PASK: variants seen among roughly 807,000 people sequenced by gnomAD.
PASK encodes the protein PAS domain containing serine/threonine kinase.
In PASK, 110 loss-of-function variants were observed where a neutral mutation model predicts 121.0. The ratio of observed to expected loss-of-function variants is 0.91; its 90% CI spans 0.78 to 1.06. PASK has a LOEUF of 1.06. Among genes scored for constraint, PASK ranks in the 50% least tolerant of loss-of-function variants. The pLI, the probability that PASK is intolerant of heterozygous loss-of-function variation, is 0.00. For missense variants in PASK, 1,643 were observed against 1,702.3 expected, an observed-to-expected ratio of 0.97 and a Z score of 0.61; for synonymous variants, 686 against 717.8, an observed-to-expected ratio of 0.96 and a Z score of 0.71.
rs777583685 is a variant in PASK at position 241,142,840 on chromosome 2, A to G, written c.193T>C (p.Ser65Pro). The G allele has an allele frequency of 1.6e-5, 26 of 1,611,254 alleles. No homozygotes were observed. The Admixed American group carries it at 4.2e-4, about 26-fold the overall frequency. ...TGCAGTGGTCGAAGGTCATTACCAG[A>G]GAGCGCTGTCCTGCTCTGGCAGAGT... ...SRLCQSRTAL[S>P]EDRWSSYCLS... is the part of the protein sequence containing the mutation. The change falls in exon 2 of 18, where the codon TCT (serine) becomes CCT (proline). Residue 65 changes from serine to proline, a missense_variant. Transcript: ENST00000234040.
chr2:241,135,860 G>C lies in PASK; in HGVS notation c.1306+11C>G. 1 of 1,612,792 alleles carries C rather than the reference G, an allele frequency of 6.2e-7. No homozygotes were observed. The highest frequency in any genetic ancestry group is 8.5e-7 in the Non-Finnish European group (1 of 1,178,924). On this transcript the variant is annotated intron_variant, in intron 8 of 17. Transcript: ENST00000234040. ...GCTACAGGCGCATTCAGGAGGAAGA[G>C]GACGTCTTACCCTGGCCCCCCTCAG...
chr2:241,130,171 C>T (rs1320669850), intron 9 of PASK, among the ~76,000 whole-genome samples: 3 of 152,208 alleles, frequency 2.0e-5, no homozygotes, highest in South Asian at 4.1e-4. Context: ...TAGGGACACA[C>T]CCCAAGTCTT....
At chr2:241,132,676 A>C (rs1400064358) in intron 9 of PASK, among the ~76,000 whole-genome samples, 198 bp downstream of exon 9, 4 of 152,208 alleles carry the variant, frequency 2.6e-5, no homozygotes, top group South Asian at 4.2e-4. Context: ...CCTCCCATAC[A>C]GGCTGATAAG....
Position 241,135,854 on chromosome 2 carries a change from G to C in PASK, c.1306+17C>G, listed in dbSNP as rs200892684. On this transcript the variant is annotated intron_variant, in intron 8 of 17. Transcript: ENST00000234040. ...TCAGCAGCTACAGGCGCATTCAGGA[G>C]GAAGAGGACGTCTTACCCTGGCCCC... The C allele has an allele frequency of 6.2e-7, 1 of 1,611,778 alleles. No individual in the cohort carries two copies. Among genetic ancestry groups the C allele is most frequent in the East Asian group, 2.2e-5 (1 of 44,874 alleles).
intron 6 of PASK, 64 bp downstream of exon 6, chr2:241,137,889 C>T (rs1447316389): frequency 9.5e-6 from 15 of 1,579,732 alleles, no homozygotes; most frequent in Non-Finnish European, 1.3e-5. Context: ...TCTGCGTCTC[C>T]AGTTATGGAT....
chr2:241,127,035 G>T lies in PASK; in HGVS notation c.1880C>A (p.Ala627Asp). 1 of 1,614,142 alleles carries T rather than the reference G, an allele frequency of 6.2e-7. No homozygotes were observed. The highest frequency in any genetic ancestry group is 8.5e-7 in the Non-Finnish European group (1 of 1,180,036). ...GCCTGCCATCCCAGAGGGGCTGGGG[G>T]CCAAGTCCTGGCTTCGCCACCACAA... is the stretch of plus-strand genomic sequence containing the variant. ...WGLWWRSQDLAPSPSGMAGLS... is the reference protein window; with the variant it reads ...WGLWWRSQDLDPSPSGMAGLS... Residue 627 changes from alanine (A) to aspartate (D), a missense_variant, in exon 10 of 18, where the codon GCC becomes GAC. Ala to Asp is a moderately radical substitution (Grantham distance 126). This residue lies in a region of PASK where 1,176 missense variants were observed against 1,162.2 expected (regional missense o/e 1.01). Coordinates refer to ENST00000234040, the MANE Select transcript of PASK (RefSeq NM_015148.4).
intron 2 of PASK, among the ~76,000 whole-genome samples, chr2:241,142,206 C>T (rs2066732132): frequency 6.6e-6 from 1 of 152,152 alleles, no homozygotes; most frequent in African/African-American, 2.4e-5. Context: ...GACCTGGAGA[C>T]CAGACTCCCA....
Position 241,137,941 on chromosome 2 carries a change from C to T in PASK, c.876+12G>A. 6.2e-7 allele frequency: 1 copy of T among 1,614,076 alleles called. No homozygotes were observed. Among genetic ancestry groups the T allele is most frequent in the East Asian group, 2.2e-5 (1 of 44,872 alleles). ...CACCCCATCACACAGTGCGGGAGGTCAGGAGCCCTACCTTTGGGATGTGCT... is the reference window on the plus strand; with the variant it reads ...CACCCCATCACACAGTGCGGGAGGTTAGGAGCCCTACCTTTGGGATGTGCT... On this transcript the variant is annotated intron_variant, in intron 6 of 17. Coordinates refer to ENST00000234040, the MANE Select transcript of PASK (RefSeq NM_015148.4).
chr2:241,114,277 A>T (rs2065233748), intron 14 of PASK: 1 of 985,356 alleles, frequency 1.0e-6, no homozygotes, highest in Non-Finnish European at 1.2e-6. Context: ...ACAACCCGAG[A>T]GTGTGTAGCT....
At position 241,126,875 on chromosome 2, in the gene PASK, G is replaced by T. The variant is rs754192027; in HGVS notation, c.2040C>A (p.Ala680=). Residue 680 remains alanine (A), a synonymous_variant, in exon 10 of 18, where the codon GCC becomes GCA. Transcript: ENST00000234040. Reference sequence around the variant, plus strand: ...CCTGGCACTCTGTCGGAACGAGTTCGGCGTGGGGGACATCCAGGGCTCCTG... The same window carrying T: ...CCTGGCACTCTGTCGGAACGAGTTCTGCGTGGGGGACATCCAGGGCTCCTG... The part of the protein sequence containing the change: ...SLAGALDVPH[A]ELVPTECQAV... 1 of 1,612,982 alleles carries T rather than the reference G, an allele frequency of 6.2e-7. No homozygotes were observed. Among genetic ancestry groups the T allele is most frequent in the Non-Finnish European group, 8.5e-7 (1 of 1,179,160 alleles).
chr2:241,117,965 G>A (rs1377019192), intron 12 of PASK, among the ~76,000 whole-genome samples: 1 of 151,808 alleles, frequency 6.6e-6, no homozygotes. Context: ...AGAACAACAA[G>A]ACTTGTACAC....
At position 241,127,580 on chromosome 2, in the gene PASK, C is replaced by A. The variant is rs1181607411; in HGVS notation, c.1464-129G>T. On this transcript the variant is annotated intron_variant, in intron 9 of 17. Transcript: ENST00000234040. ...CACCAATTTATAACAAGAAAAAGACCAAATTTTGTGACCAAGTTAAAAAAT... is the reference window on the plus strand; with the variant it reads ...CACCAATTTATAACAAGAAAAAGACAAAATTTTGTGACCAAGTTAAAAAAT... 4 of 778,770 alleles carry A rather than the reference C, an allele frequency of 5.1e-6. No homozygotes were observed. In the African/African-American group the frequency reaches 5.1e-5, roughly 10 times the overall value. The allele number at this position is 778,770 out of a possible 1,614,324, so 48.2% of individuals were successfully genotyped here.
chr2:241,138,183 C>A, intron 5 of PASK, 96 bp from the exon 6 acceptor site: 1 of 1,281,014 alleles, frequency 7.8e-7, no homozygotes, highest in Non-Finnish European at 1.1e-6. Flanking sequence ...AGCAAGACCC[C>A]AACATGACTT....
Position 241,115,097 on chromosome 2 carries a change from GA to G in PASK, c.3278del (p.Phe1093SerfsTer20), listed in dbSNP as rs760395852. 3.1e-6 allele frequency: 5 copies of G among 1,614,146 alleles called. No individual in the cohort carries two copies. The South Asian group carries it at 3.3e-5, about 11-fold the overall frequency. Reference sequence around the variant, plus strand: ...CATCCAGCCTGGGGTGGCGGTCGATGAAAGCGAAGAGGTCTAGGCCGGAGCC... The same window carrying G: ...CATCCAGCCTGGGGTGGCGGTCGATGAAGCGAAGAGGTCTAGGCCGGAGCC... ...KHGSGLDLFA[F>X]IDRHPRLDEP... On this transcript the variant is annotated frameshift_variant, in exon 14 of 18. Coordinates refer to ENST00000234040, the MANE Select transcript of PASK (RefSeq NM_015148.4). LOFTEE classifies it high-confidence loss of function.
At chr2:241,109,201 G>A (rs1470366591) in intron 15 of PASK, 1 of 152,546 alleles carries the variant, frequency 6.6e-6, no homozygotes, top group African/African-American at 2.4e-5. Context: ...AGATGCCAAT[G>A]CTGTACCAGC....
At chr2:241,118,432 A>G (rs924017363) in intron 12 of PASK, among the ~76,000 whole-genome samples, 2 of 152,190 alleles carry the variant, frequency 1.3e-5, no homozygotes, top group Non-Finnish European at 2.9e-5. Flanking sequence ...AAAACCACTC[A>G]ATGGGGAGAG....
Position 241,127,062 on chromosome 2 carries a change from C to T in PASK, c.1853G>A (p.Gly618Asp). The stretch of plus-strand genomic sequence containing the variant: ...CAAGTCCTGGCTTCGCCACCACAAG[C>T]CCCATTCACTCCCATAGCAAGGGCA... ...MHCPCYGSEW[G>D]LWWRSQDLAP... is the part of the protein sequence containing the mutation. Residue 618 changes from glycine to aspartate, a missense_variant, in exon 10 of 18, where the codon GGC becomes GAC. Gly to Asp is a moderately conservative substitution (Grantham distance 94). This residue lies in a region of PASK where 1,176 missense variants were observed against 1,162.2 expected (regional missense o/e 1.01). Transcript: ENST00000234040. 1.9e-6 allele frequency: 3 copies of T among 1,614,166 alleles called. No individual in the cohort carries two copies. Among genetic ancestry groups the T allele is most frequent in the Non-Finnish European group, 2.5e-6 (3 of 1,180,042 alleles).
Position 241,108,191 on chromosome 2 carries a change from G to C in PASK, c.3643C>G (p.His1215Asp). The C allele has an allele frequency of 6.2e-7, 1 of 1,613,926 alleles. No individual in the cohort carries two copies. Among genetic ancestry groups the C allele is most frequent in the Non-Finnish European group, 8.5e-7 (1 of 1,179,980 alleles). ...CCTTTGGACACCAGGTATGGCGGGT[G>C]TATGGCAGCCTCCACGGTCTCCTCC... is the stretch of plus-strand genomic sequence containing the variant. ...ELEETVEAAI[H>D]PPYLVSKELM... Residue 1215 changes from histidine (H) to aspartate (D), a missense_variant, in exon 16 of 18, where the codon CAC (histidine) becomes GAC (aspartate). Around this residue, in one of 3 missense-constraint regions of PASK, gnomAD observed 453 missense variants for 511.2 expected, o/e 0.89. Coordinates refer to ENST00000234040, the MANE Select transcript of PASK (RefSeq NM_015148.4). This position sits in a 1 kb window ranked among gnomAD's most constrained non-coding sequence, Gnocchi z 5.2.
intron 12 of PASK, among the ~76,000 whole-genome samples, chr2:241,117,665 G>A (rs139250945): frequency 1.3e-5 from 2 of 152,184 alleles, no homozygotes; most frequent in Non-Finnish European, 2.9e-5. Flanking sequence ...GAAAGACAAA[G>A]ATTTTACATC....
Sources: gnomAD v4.1 joint callset for allele counts (sites outside exome capture counted in the v4.1 genomes callset) on GRCh38, gnomAD v4.1.1 for gene constraint, gnomAD v4.1.1 regional missense constraint, Gnocchi (gnomAD v3.1) non-coding constraint, MANE v1.5 for transcripts, NCBI Gene and HGNC (gene_info 2026-07-23, HGNC 2026-07-21) for gene names.